Variants in SNAP25 observed in about 807,000 individuals in gnomAD.
The protein encoded by SNAP25 is synaptosomal-associated protein 25.
SNAP25 carries 3 observed loss-of-function variants against 28.7 expected under a neutral mutation model. That is an observed-to-expected ratio of 0.10 (90% confidence interval 0.05 to 0.27). The LOEUF (loss-of-function observed/expected upper bound fraction) is 0.27, where lower values mean the gene tolerates loss of function less well. Among genes scored for constraint, SNAP25 ranks in the 10% least tolerant of loss-of-function variants. The probability of loss-of-function intolerance (pLI) is 1.00; values close to 1 mark genes in which losing one functional copy is unlikely to be tolerated. For synonymous variants in SNAP25, 61 were observed against 88.1 expected, an observed-to-expected ratio of 0.69 and a Z score of 1.72; for missense variants, 117 against 278.7, an observed-to-expected ratio of 0.42 and a Z score of 4.13.
chr20:10,234,466 T>C (rs1244449953), intron 1 of SNAP25, among the ~76,000 whole-genome samples: 2 of 152,246 alleles, frequency 1.3e-5, no homozygotes, highest in Non-Finnish European at 2.9e-5. Context: ...ATCGTTAATC[T>C]GAAATGCCTT....
intron 1 of SNAP25, 29 bp from the exon 2 acceptor site, chr20:10,275,400 C>G: frequency 8.7e-7 from 1 of 1,150,636 alleles, no homozygotes. Flanking sequence ...TATATAAGCT[C>G]TCATATTTTC....
intron 4 of SNAP25, among the ~76,000 whole-genome samples, chr20:10,287,926 G>A (rs62187163): frequency 0.15 from 22,464 of 151,430 alleles, 1,879 homozygotes; most frequent in Admixed American, 0.2. Context: ...ATCAAACACC[G>A]CATATTCTCA....
rs912996307 is a variant in SNAP25, at chr20:10,260,716, C to A, written c.-63-14713C>A. On this transcript the variant is annotated intron_variant, in intron 1 of 7. Coordinates refer to ENST00000254976, the MANE Select transcript of SNAP25 (RefSeq NM_130811.4). Reference sequence around the variant, plus strand: ...ACACACACACACACACACACACACACACACACAAACACACACACACACACA... The same window carrying A: ...ACACACACACACACACACACACACAAACACACAAACACACACACACACACA... Among the ~76,000 whole-genome samples the A allele has an allele frequency of 3.3e-3, 493 of 147,598 alleles. 2 individuals carry two copies. The highest frequency in any genetic ancestry group is 0.012 in the African/African-American group (465 of 39,282).
chr20:10,298,726 C>T (rs1211338671), intron 6 of SNAP25, among the ~76,000 whole-genome samples: 2 of 152,142 alleles, frequency 1.3e-5, no homozygotes, highest in Non-Finnish European at 2.9e-5. Flanking sequence ...AAGGGGCAAA[C>T]TGTAATTATC....
At chr20:10,271,988 G>T (rs2063602948) in intron 1 of SNAP25, among the ~76,000 whole-genome samples, 1 of 152,148 alleles carries the variant, frequency 6.6e-6, no homozygotes, top group Non-Finnish European at 1.5e-5. Context: ...TCTCCTCGTG[G>T]TACTCCTGTG....
intron 1 of SNAP25, among the ~76,000 whole-genome samples, chr20:10,253,314 A>G (rs1293165128): frequency 6.6e-6 from 1 of 152,196 alleles, no homozygotes; most frequent in Non-Finnish European, 1.5e-5. Context: ...CTTCACATCC[A>G]GAATCTCATA....
chr20:10,252,118 A>G (rs1464618804), intron 1 of SNAP25, among the ~76,000 whole-genome samples: 1 of 152,258 alleles, frequency 6.6e-6, no homozygotes, highest in African/African-American at 2.4e-5. Context: ...ACATCTGCAC[A>G]TACGGAGACA....
chr20:10,265,874 G>A (rs777731061), intron 1 of SNAP25, among the ~76,000 whole-genome samples: 3 of 152,136 alleles, frequency 2.0e-5, no homozygotes, highest in Non-Finnish European at 2.9e-5. Flanking sequence ...TGTTCAGTAC[G>A]TGATCCAATC....
At chr20:10,266,463 G>GA (rs2063508628) in intron 1 of SNAP25, among the ~76,000 whole-genome samples, 3 of 152,110 alleles carry the variant, frequency 2.0e-5, no homozygotes, top group African/African-American at 7.2e-5. Context: ...GAAACCCAGA[G>GA]AAAAAAAGGT....
intron 1 of SNAP25, among the ~76,000 whole-genome samples, chr20:10,223,514 A>C (rs1294997997): frequency 6.6e-6 from 1 of 152,148 alleles, no homozygotes; most frequent in Non-Finnish European, 1.5e-5. Flanking sequence ...CTGACTACCT[A>C]GGGGAAACTT....
At chr20:10,256,652 T>G (rs1391782725) in intron 1 of SNAP25, among the ~76,000 whole-genome samples, 2 of 152,142 alleles carry the variant, frequency 1.3e-5, no homozygotes. Flanking sequence ...TGGGAATCTA[T>G]TATAAGGAAA....
chr20:10,255,210 CA>C (rs2063299542), intron 1 of SNAP25, among the ~76,000 whole-genome samples: 1 of 152,174 alleles, frequency 6.6e-6, no homozygotes, highest in South Asian at 2.1e-4. Context: ...GCCAAGTTTC[CA>C]AAAGACTGGA....
At chr20:10,269,228 G>A (rs1462988503) in intron 1 of SNAP25, among the ~76,000 whole-genome samples, 1 of 152,050 alleles carries the variant, frequency 6.6e-6, no homozygotes, top group Non-Finnish European at 1.5e-5. Flanking sequence ...TGGCCAACAT[G>A]GTGAAACCCC....
At chr20:10,272,253 T>A (rs1396683885) in intron 1 of SNAP25, among the ~76,000 whole-genome samples, 1 of 152,226 alleles carries the variant, frequency 6.6e-6, no homozygotes, top group Non-Finnish European at 1.5e-5. Context: ...CTGTAATTTA[T>A]TCCCCTCAAC....
At chr20:10,275,069 T>TAAAATAAATAAA (rs1555791825) in intron 1 of SNAP25, among the ~76,000 whole-genome samples, 8 of 131,976 alleles carry the variant, frequency 6.1e-5, no homozygotes, top group African/African-American at 2.2e-4. Context: ...ATAGAGCTAT[T>TAAAATAAATAAA]TAAATAAATA....
chr20:10,264,918 CTTTTTTTTT>C (rs958711328), intron 1 of SNAP25, among the ~76,000 whole-genome samples: 1 of 117,150 alleles, frequency 8.5e-6, no homozygotes, highest in Non-Finnish European at 1.8e-5. Flanking sequence ...TCAGACCATG[CTTTTTTTTT>C]TTTTTTTTTT....
At chr20:10,279,265 A>G (rs184204272) in intron 3 of SNAP25, among the ~76,000 whole-genome samples, 129 of 152,348 alleles carry the variant, frequency 8.5e-4, no homozygotes, top group African/African-American at 2.8e-3. Flanking sequence ...ATATGCCTAC[A>G]TGAGCTCTGA....
intron 1 of SNAP25, among the ~76,000 whole-genome samples, chr20:10,262,399 A>T (rs75584779): frequency 0.016 from 2,403 of 152,218 alleles, 66 homozygotes; most frequent in African/African-American, 0.055. Flanking sequence ...TCCTCCTGTG[A>T]CAAATGACAC....
chr20:10,287,792 A>C (rs2063912744), intron 4 of SNAP25, among the ~76,000 whole-genome samples: 1 of 151,708 alleles, frequency 6.6e-6, no homozygotes, highest in Non-Finnish European at 1.5e-5. Flanking sequence ...GGATTAAGAA[A>C]ATGTGGCACA....
Sources: allele counts gnomAD v4.1 joint callset (sites outside exome capture counted in the v4.1 genomes callset), GRCh38; gene constraint gnomAD v4.1.1; transcripts MANE v1.5; gene names NCBI Gene and HGNC (gene_info 2026-07-23, HGNC 2026-07-21).